NALF1: variants seen among roughly 807,000 people sequenced by gnomAD.
NALF1 encodes family with sequence similarity 155 member A.
In NALF1, 3 loss-of-function variants were observed where a neutral mutation model predicts 48.4. The observed-to-expected ratio is 0.06, with a 90% CI of 0.03 to 0.16. The LOEUF (loss-of-function observed/expected upper bound fraction) is 0.16, where lower values mean the gene tolerates loss of function less well. NALF1 is among the 10% of genes least tolerant of loss of function. The pLI, the probability that NALF1 is intolerant of heterozygous loss-of-function variation, is 1.00. For synonymous variants in NALF1, 262 were observed against 245.7 expected (o/e 1.07, Z -0.62); for missense variants, 526 against 571.5 (o/e 0.92, Z 0.81).
At chr13:107,578,751 T>A (rs954101241) in intron 1 of NALF1, among the ~76,000 whole-genome samples, 5 of 152,324 alleles carry the variant, frequency 3.3e-5, no homozygotes, top group South Asian at 4.1e-4. Context: ...ATCTTCTAAG[T>A]AGCATCTGAA....
chr13:107,543,009 T>C (rs1877037262), intron 1 of NALF1, among the ~76,000 whole-genome samples: 1 of 152,106 alleles, frequency 6.6e-6, no homozygotes, highest in African/African-American at 2.4e-5. Flanking sequence ...GCAAACACTA[T>C]TGTCATGTTT....
chr13:107,337,977 G>T (rs186293823), intron 1 of NALF1, among the ~76,000 whole-genome samples: 36 of 152,292 alleles, frequency 2.4e-4, no homozygotes, highest in Non-Finnish European at 4.3e-4. Context: ...TGGTTATGCT[G>T]GGAAAATCTG....
intron 1 of NALF1, among the ~76,000 whole-genome samples, chr13:107,826,726 G>A (rs2138622619): frequency 6.6e-6 from 1 of 152,290 alleles, no homozygotes; most frequent in Admixed American, 6.5e-5. Flanking sequence ...CTTCTGAAGA[G>A]GAGGCAGGAT....
intron 1 of NALF1, among the ~76,000 whole-genome samples, chr13:107,737,681 G>A (rs2079508153): frequency 6.6e-6 from 1 of 152,068 alleles, no homozygotes; most frequent in African/African-American, 2.4e-5. Context: ...GAAGCTCAAG[G>A]GACGGGAATA....
At chr13:107,733,281 T>G (rs1019080544) in intron 1 of NALF1, among the ~76,000 whole-genome samples, 1 of 152,292 alleles carries the variant, frequency 6.6e-6, no homozygotes, top group East Asian at 1.9e-4. Context: ...AGCAGCACAT[T>G]GCAAAAGCAC....
intron 1 of NALF1, among the ~76,000 whole-genome samples, chr13:107,565,079 A>AG (rs1401573780): frequency 6.7e-6 from 1 of 149,766 alleles, no homozygotes; most frequent in Non-Finnish European, 1.5e-5. Context: ...AAAAAAAAAA[A>AG]AAAAACCTAG....
At chr13:107,347,441 A>G (rs1281674495) in intron 1 of NALF1, among the ~76,000 whole-genome samples, 1 of 152,224 alleles carries the variant, frequency 6.6e-6, no homozygotes, top group Non-Finnish European at 1.5e-5. Context: ...AAACATAACC[A>G]GCCATGCTTT....
intron 1 of NALF1, among the ~76,000 whole-genome samples, chr13:107,503,961 T>C (rs1456981931): frequency 6.7e-6 from 1 of 150,088 alleles, no homozygotes; most frequent in African/African-American, 2.4e-5. Flanking sequence ...CACACAGAGA[T>C]CAAGAATCAA....
At chr13:107,628,629 T>C (rs1879749409) in intron 1 of NALF1, among the ~76,000 whole-genome samples, 1 of 152,196 alleles carries the variant, frequency 6.6e-6, no homozygotes, top group South Asian at 2.1e-4. Flanking sequence ...GAAACCATTG[T>C]CTTAAGCAAT....
chr13:107,758,256 G>A (rs1486917858), intron 1 of NALF1, among the ~76,000 whole-genome samples: 1 of 152,138 alleles, frequency 6.6e-6, no homozygotes, highest in African/African-American at 2.4e-5. Flanking sequence ...ATAAGTGTGG[G>A]TGTTAGGCTA....
At position 107,509,028 on chromosome 13, in the gene NALF1, G is replaced by A. The variant is rs149653224; in HGVS notation, c.916-298273C>T. On this transcript the variant is annotated intron_variant, in intron 1 of 2. Transcript: ENST00000375915. The stretch of plus-strand genomic sequence containing the variant: ...TATTTTAACAAAATATATTTTAACA[G>A]CTAGTAAATTCAATTATAAATTTGA... 1.5e-3 allele frequency among the ~76,000 whole-genome samples: 232 copies of A among 152,152 alleles called. 6 individuals carry two copies. The East Asian group carries it at 0.036, about 23-fold the overall frequency.
chr13:107,595,409 C>T lies in NALF1; in HGVS notation c.915+270273G>A, dbSNP rs75320211. ...TTAAAATTGTTAAAAGAGAGTATCT[C>T]ATATGTTCTACTGATGGCACTAGAA... On this transcript the variant is annotated intron_variant, in intron 1 of 2. Coordinates refer to ENST00000375915, the MANE Select transcript of NALF1 (RefSeq NM_001080396.3). 2.5e-3 allele frequency among the ~76,000 whole-genome samples: 380 copies of T among 152,182 alleles called. 3 individuals carry two copies. Among genetic ancestry groups the T allele is most frequent in the African/African-American group, 8.3e-3 (344 of 41,526 alleles).
At chr13:107,219,970 T>C (rs1879956112) in intron 1 of NALF1, among the ~76,000 whole-genome samples, 2 of 152,226 alleles carry the variant, frequency 1.3e-5, no homozygotes, top group Non-Finnish European at 2.9e-5. Context: ...GCTTTTGGTA[T>C]GTATCTAAAA....
intron 2 of NALF1, among the ~76,000 whole-genome samples, chr13:107,184,508 C>T (rs1177372706): frequency 6.6e-6 from 1 of 152,170 alleles, no homozygotes; most frequent in African/African-American, 2.4e-5. Flanking sequence ...CTCCACTTTG[C>T]TTTTCTAGGT....
At chr13:107,679,289 A>T (rs1409690634) in intron 1 of NALF1, among the ~76,000 whole-genome samples, 1 of 152,214 alleles carries the variant, frequency 6.6e-6, no homozygotes, top group Non-Finnish European at 1.5e-5. Context: ...TTTTTTGAAA[A>T]TGTGAAAACC....
chr13:107,346,080 G>A (rs1882766417), intron 1 of NALF1, among the ~76,000 whole-genome samples: 1 of 152,052 alleles, frequency 6.6e-6, no homozygotes, highest in Non-Finnish European at 1.5e-5. Context: ...TACCCACTAG[G>A]ATGGGCAGCA....
rs574018399 is a variant in NALF1 at position 107,221,545 on chromosome 13, A to C, written c.916-10790T>G. 4.6e-5 allele frequency among the ~76,000 whole-genome samples: 7 copies of C among 152,222 alleles called. No homozygotes were observed. In the East Asian group the frequency reaches 1.4e-3, roughly 29 times the overall value. ...CAGGGAGCCAAGACTGCACCATTGC[A>C]CTCCAGCCTGGGTGACAGAGTGAGA... On this transcript the variant is annotated intron_variant, in intron 1 of 2. Coordinates refer to ENST00000375915, the MANE Select transcript of NALF1 (RefSeq NM_001080396.3).
chr13:107,594,791 A>T (rs1188718025), intron 1 of NALF1, among the ~76,000 whole-genome samples: 2 of 152,130 alleles, frequency 1.3e-5, no homozygotes, highest in African/African-American at 4.8e-5. Context: ...TTAGAAGGAT[A>T]TGTTGAAATG....
At chr13:107,501,265 G>A (rs1379402178) in intron 1 of NALF1, among the ~76,000 whole-genome samples, 1 of 151,968 alleles carries the variant, frequency 6.6e-6, no homozygotes, top group African/African-American at 2.4e-5. Context: ...CCACCCTCAC[G>A]ACACAAACAC....
Sources: gnomAD v4.1 joint callset for allele counts (sites outside exome capture counted in the v4.1 genomes callset) on GRCh38, gnomAD v4.1.1 for gene constraint, MANE v1.5 for transcripts, NCBI Gene and HGNC (gene_info 2026-07-23, HGNC 2026-07-21) for gene names.